Variants in RAB33A observed in about 807,000 individuals in gnomAD.
The protein encoded by RAB33A is ras-related protein Rab-33A.
A neutral mutation model predicts 12.0 loss-of-function variants in RAB33A; 6 were observed. The observed-to-expected ratio is 0.50, with a 90% CI of 0.27 to 0.99. The LOEUF is 0.99. Among genes scored for constraint, RAB33A ranks in the 50% least tolerant of loss-of-function variants. RAB33A has a pLI of 0.11. For synonymous variants in RAB33A, 70 were observed against 82.4 expected, an observed-to-expected ratio of 0.85 and a Z score of 0.81; for missense variants, 109 against 192.0, an observed-to-expected ratio of 0.57 and a Z score of 2.55.
At chrX:130,158,762 A>C in the RAB33A span, among the ~76,000 whole-genome samples, 1 of 109,209 alleles carries the variant, frequency 9.2e-6, no homozygotes, top group East Asian at 2.8e-4. Context: ...TGTTTTAAGA[A>C]AGTTTACAAA....
chrX:130,161,404 G>A, the RAB33A span, among the ~76,000 whole-genome samples: 3 of 106,122 alleles, frequency 2.8e-5, no homozygotes, highest in East Asian at 3.1e-4. Context: ...CCAGCTACTC[G>A]GGAGGCTGAG....
chrX:130,164,738 T>C, the RAB33A span, among the ~76,000 whole-genome samples: 5 of 111,005 alleles, frequency 4.5e-5, no homozygotes, highest in Middle Eastern at 4.2e-3. Flanking sequence ...CAGTATGGAG[T>C]TGCAGCGAAG....
chrX:130,111,067 C>T, the RAB33A span, among the ~76,000 whole-genome samples: 1 of 106,275 alleles, frequency 9.4e-6, no homozygotes, highest in Non-Finnish European at 2.0e-5. Flanking sequence ...CCGTCCGCCC[C>T]GGCCCGCCCG....
the RAB33A span, among the ~76,000 whole-genome samples, chrX:130,162,400 G>A: frequency 1.8e-5 from 2 of 111,941 alleles, no homozygotes; most frequent in African/African-American, 6.5e-5. Context: ...ATTATCTCCT[G>A]GAGAAGGTTA....
chrX:130,147,463 G>A, the RAB33A span: 1 of 1,210,415 alleles, frequency 8.3e-7, no homozygotes, highest in Non-Finnish European at 1.1e-6. Context: ...AGCTGAAGTT[G>A]ATAGGCTCAT....
the RAB33A span, chrX:130,156,734 AT>A: frequency 4.1e-6 from 3 of 735,640 alleles, no homozygotes; most frequent in Non-Finnish European, 6.1e-6. Context: ...ATCAAGAAAA[AT>A]ATCATCAAAA....
At chrX:130,136,565 C>T in the RAB33A span, 13 of 895,555 alleles carry the variant, frequency 1.5e-5, no homozygotes, top group South Asian at 4.0e-5. Flanking sequence ...CTACTGGTGT[C>T]AAATGAAGGA....
At chrX:130,132,548 CT>C in the RAB33A span, among the ~76,000 whole-genome samples, 1 of 111,689 alleles carries the variant, frequency 9.0e-6, no homozygotes, top group Non-Finnish European at 1.9e-5. Context: ...CTCCACTTTT[CT>C]TTTTTTTAAC....
At chrX:130,159,497 TCA>T in the RAB33A span, among the ~76,000 whole-genome samples, 10 of 112,063 alleles carry the variant, frequency 8.9e-5, no homozygotes, top group Non-Finnish European at 1.5e-4. Context: ...GTGGTAACTC[TCA>T]GAGCTTAGAA....
chrX:130,133,678 G>A, the RAB33A span, among the ~76,000 whole-genome samples: 2 of 109,417 alleles, frequency 1.8e-5, no homozygotes, highest in South Asian at 3.9e-4. Context: ...GCCTGGGCTG[G>A]AGTGCAGTGG....
At chrX:130,175,562 T>G (rs764003687) in intron 1 of RAB33A, among the ~76,000 whole-genome samples, 14 of 102,254 alleles carry the variant, frequency 1.4e-4, no homozygotes, top group Non-Finnish European at 2.4e-4. Context: ...AATGGCACGA[T>G]CTCAGCTCAC....
At chrX:130,179,351 G>A (rs1458417334) in intron 1 of RAB33A, among the ~76,000 whole-genome samples, 1 of 111,574 alleles carries the variant, frequency 9.0e-6, no homozygotes, top group African/African-American at 3.3e-5. Flanking sequence ...ACTCCCACCC[G>A]TGTTCCTGCT....
At chrX:130,159,481 T>G in the RAB33A span, among the ~76,000 whole-genome samples, 1 of 111,889 alleles carries the variant, frequency 8.9e-6, no homozygotes, top group Admixed American at 9.5e-5. Flanking sequence ...CCATCAGAAG[T>G]AGAAAGTGGT....
chrX:130,138,487 C>A, the RAB33A span: 2 of 610,177 alleles, frequency 3.3e-6, no homozygotes, highest in Non-Finnish European at 5.5e-6. Context: ...ATAAATAAAC[C>A]TTAATTAAAC....
At chrX:130,164,587 C>A in the RAB33A span, among the ~76,000 whole-genome samples, 1 of 111,773 alleles carries the variant, frequency 8.9e-6, no homozygotes, top group African/African-American at 3.3e-5. Context: ...TCATTCATTG[C>A]CCCCATGAAG....
intron 1 of RAB33A, among the ~76,000 whole-genome samples, chrX:130,176,697 G>T (rs1366010804): frequency 8.9e-6 from 1 of 111,927 alleles, no homozygotes; most frequent in Non-Finnish European, 1.9e-5. Context: ...CTCCCTTGCT[G>T]CTTCTTTCTG....
At chrX:130,165,602 A>G in the RAB33A span, 2 of 1,202,335 alleles carry the variant, frequency 1.7e-6, no homozygotes, top group Non-Finnish European at 2.2e-6. Context: ...GTCCGCACCA[A>G]GGGCACCAGC....
the RAB33A span, among the ~76,000 whole-genome samples, chrX:130,163,213 C>A: frequency 9.4e-6 from 1 of 106,015 alleles, no homozygotes; most frequent in East Asian, 2.9e-4. Context: ...GGGAGGCTGA[C>A]GCAGGAGAAT....
chrX:130,168,531 G>A (rs62602067), upstream of RAB33A, among the ~76,000 whole-genome samples: 53,548 of 109,319 alleles, frequency 0.49, 10,301 homozygotes, highest in African/African-American at 0.69. Context: ...ACACCCTTCT[G>A]TGAAGTTTAA....
Sources: gnomAD v4.1 joint callset for allele counts (sites outside exome capture counted in the v4.1 genomes callset) on GRCh38, gnomAD v4.1.1 for gene constraint, MANE v1.5 for transcripts, NCBI Gene and HGNC (gene_info 2026-07-23, HGNC 2026-07-21) for gene names.